CFAP61: variants seen among roughly 807,000 people sequenced by gnomAD.
The protein encoded by CFAP61 is cilia and flagella associated protein 61, also known as cilia- and flagella-associated protein 61.
Under a neutral mutation model 135.6 loss-of-function variants are expected in CFAP61, and 107 were observed. The ratio of observed to expected loss-of-function variants is 0.79; its 90% confidence interval spans 0.67 to 0.93. The LOEUF is 0.93. CFAP61 is among the 40% of genes least tolerant of loss of function. The pLI, the probability that CFAP61 is intolerant of heterozygous loss-of-function variation, is 0.00. For synonymous variants in CFAP61, 575 were observed against 578.5 expected (o/e 0.99, Z 0.09); for missense variants, 1,507 against 1,556.2 (o/e 0.97, Z 0.53).
intron 24 of CFAP61, among the ~76,000 whole-genome samples, chr20:20,293,606 C>G (rs1051312925): frequency 1.3e-5 from 2 of 152,180 alleles, no homozygotes; most frequent in African/African-American, 4.8e-5. Context: ...ACTATTCATA[C>G]ACTAGATATA....
Position 20,070,979 on chromosome 20 carries a change from A to C in CFAP61, c.269A>C (p.Glu90Ala), listed in dbSNP as rs199790525. ...KQDDWVSVFRELDSDIPCTPL... is the reference protein window; with the variant it reads ...KQDDWVSVFRALDSDIPCTPL... ...GATGACTGGGTGTCAGTGTTCCGGG[A>C]GCTCGACAGTGACATCCCATGCACA... Residue 90 changes from glutamate to alanine, a missense_variant, in exon 3 of 27, where the codon GAG becomes GCG. Coordinates refer to ENST00000245957, the MANE Select transcript of CFAP61 (RefSeq NM_015585.4). 2.3e-5 allele frequency: 37 copies of C among 1,614,104 alleles called. No individual in the cohort carries two copies. The African/African-American group carries it at 4.1e-4, about 18-fold the overall frequency.
Position 20,174,345 on chromosome 20 carries a change from C to T in CFAP61, c.1385+4885C>T, listed in dbSNP as rs181948278. ...CTCTGAGTGCCATGGTTGTGTCCAT[C>T]GCCTTTTTCCATTCAAGAAGCCATG... On this transcript the variant is annotated intron_variant, in intron 13 of 26. Transcript: ENST00000245957. Among the ~76,000 whole-genome samples, 8 of 152,270 alleles carry T rather than the reference C, an allele frequency of 5.3e-5. No individual in the cohort carries two copies. The East Asian group carries it at 1.2e-3, about 22-fold the overall frequency.
At chr20:20,219,040 G>A (rs1021161397) in intron 17 of CFAP61, among the ~76,000 whole-genome samples, 5 of 152,202 alleles carry the variant, frequency 3.3e-5, no homozygotes, top group African/African-American at 1.2e-4. Flanking sequence ...GAGAAACCAG[G>A]AGAGAGGTGA....
chr20:20,202,047 C>T lies in CFAP61; in HGVS notation c.1932+2145C>T, dbSNP rs142792052. 1.1e-3 allele frequency among the ~76,000 whole-genome samples: 159 copies of T among 148,296 alleles called. 2 individuals carry two copies. The highest frequency in any genetic ancestry group is 1.3e-3 in the South Asian group (6 of 4,486). ...GTTGGAGCTCTAGGTGGGGAGAAAG[C>T]CAGAGAGAACATTTTATTTCATTTA... On this transcript the variant is annotated intron_variant, in intron 17 of 26. Transcript: ENST00000245957.
chr20:20,338,105 G>A (rs1695810068), intron 25 of CFAP61, among the ~76,000 whole-genome samples: 1 of 152,166 alleles, frequency 6.6e-6, no homozygotes, highest in Non-Finnish European at 1.5e-5. Context: ...ATTGAATGGA[G>A]ACAGGACACA....
intron 2 of CFAP61, among the ~76,000 whole-genome samples, chr20:20,066,562 C>G (rs1471274974): frequency 6.6e-6 from 1 of 152,094 alleles, no homozygotes; most frequent in African/African-American, 2.4e-5. Context: ...TCATTCTCAG[C>G]AAACTATCAC....
rs532854639 is a variant in CFAP61, at chr20:20,294,346, CCT to C, written c.3217-3834_3217-3833del. On this transcript the variant is annotated intron_variant, in intron 24 of 26. Coordinates refer to ENST00000245957, the MANE Select transcript of CFAP61 (RefSeq NM_015585.4). ...AAGGGTAATTTGTGTCTGAGAAACC[CCT>C]GTTTGAGTGAATTGTATTTAACATG... 6.6e-5 allele frequency among the ~76,000 whole-genome samples: 10 copies of C among 152,322 alleles called. No individual in the cohort carries two copies. In the East Asian group the frequency reaches 1.9e-3, roughly 29 times the overall value.
chr20:20,296,330 T>TGCTTCCTTCCTTCCCTCCTTC, intron 24 of CFAP61, among the ~76,000 whole-genome samples: 1 of 39,598 alleles, frequency 2.5e-5, no homozygotes, highest in African/African-American at 9.1e-5. Context: ...TTCCTTCCCT[T>TGCTTCCTTCCTTCCCTCCTTC]CCTTCCTTCC....
rs1416748666 is a variant in CFAP61, at chr20:20,187,958, T to C, written c.1414T>C (p.Leu472=). The change falls in exon 14 of 27, where the codon TTG becomes CTG. Residue 472 remains leucine, a synonymous_variant. Coordinates refer to ENST00000245957, the MANE Select transcript of CFAP61 (RefSeq NM_015585.4). ...CATTAATATAAGATTTGCCACTCTC[T>C]TGGATACTCCTGGTGTGGAAAATCT... The part of the protein sequence containing the change: ...KSINIRFATL[L]DTPGVENLVS... 2 of 1,613,448 alleles carry C rather than the reference T, an allele frequency of 1.2e-6. No individual in the cohort carries two copies. Among genetic ancestry groups the C allele is most frequent in the Non-Finnish European group, 8.5e-7 (1 of 1,179,308 alleles).
At chr20:20,328,752 A>T (rs185991852) in intron 25 of CFAP61, among the ~76,000 whole-genome samples, 4 of 152,368 alleles carry the variant, frequency 2.6e-5, no homozygotes, top group Admixed American at 2.6e-4. Context: ...CAAAGAAGAC[A>T]TATAGACGGC....
chr20:20,059,872 A>C (rs993500696), intron 2 of CFAP61, among the ~76,000 whole-genome samples: 8 of 152,142 alleles, frequency 5.3e-5, no homozygotes, highest in Admixed American at 6.5e-5. Flanking sequence ...AGACTTTTAG[A>C]AGAAGATAAT....
intron 6 of CFAP61, among the ~76,000 whole-genome samples, chr20:20,087,726 T>C (rs886847414): frequency 1.3e-5 from 2 of 152,186 alleles, no homozygotes; most frequent in African/African-American, 4.8e-5. Flanking sequence ...AACCCTTTTT[T>C]AACGTTTGCT....
chr20:20,128,513 T>C (rs1364735934), intron 8 of CFAP61, among the ~76,000 whole-genome samples: 5 of 151,736 alleles, frequency 3.3e-5, no homozygotes, highest in Non-Finnish European at 7.3e-5. Flanking sequence ...ACTTTCACAG[T>C]TGGGGCACTC....
intron 8 of CFAP61, among the ~76,000 whole-genome samples, chr20:20,127,070 T>C (rs112343328): frequency 3.3e-5 from 5 of 151,814 alleles, no homozygotes; most frequent in African/African-American, 1.2e-4. Flanking sequence ...CTGAATGTTT[T>C]ATTGTTTTTT....
At chr20:20,198,738 C>T (rs144196985) in intron 16 of CFAP61, among the ~76,000 whole-genome samples, 13 of 152,210 alleles carry the variant, frequency 8.5e-5, no homozygotes, top group African/African-American at 1.2e-4. Flanking sequence ...TTTCAGTTTG[C>T]GAAGTCACGG....
chr20:20,153,979 A>G (rs6081898), intron 9 of CFAP61, among the ~76,000 whole-genome samples: 137,336 of 152,098 alleles, frequency 0.9, 62,826 homozygotes, highest in Middle Eastern at 0.99. Context: ...CTAGCTAACC[A>G]TATCCAACAT....
At chr20:20,296,350 T>TC (rs1287588199) in intron 24 of CFAP61, among the ~76,000 whole-genome samples, 10 of 113,028 alleles carry the variant, frequency 8.8e-5, no homozygotes, top group Admixed American at 1.8e-4. Flanking sequence ...CTTGCTTCCT[T>TC]CCTTCTTTCC....
At chr20:20,327,776 T>A (rs1234040673) in intron 25 of CFAP61, among the ~76,000 whole-genome samples, 3 of 29,864 alleles carry the variant, frequency 1.0e-4, no homozygotes, top group Non-Finnish European at 5.2e-5. Context: ...CAAGAGCCTG[T>A]CAAAAAAAAA....
intron 24 of CFAP61, among the ~76,000 whole-genome samples, chr20:20,294,845 G>A (rs1281715144): frequency 3.3e-5 from 5 of 151,052 alleles, no homozygotes; most frequent in East Asian, 1.9e-4. Flanking sequence ...GGAGAATGGC[G>A]TGAACCCGGG....
Sources: allele counts gnomAD v4.1 joint callset (sites outside exome capture counted in the v4.1 genomes callset), GRCh38; gene constraint gnomAD v4.1.1; transcripts MANE v1.5; gene names NCBI Gene and HGNC (gene_info 2026-07-23, HGNC 2026-07-21).